NCOA6: variants seen among roughly 807,000 people sequenced by gnomAD.
The protein encoded by NCOA6 is nuclear receptor coactivator 6, also known as NRC RAP250.
Under a neutral mutation model 171.4 loss-of-function variants are expected in NCOA6, and 49 were observed. That is an observed-to-expected ratio of 0.29 (90% CI 0.23 to 0.36). The LOEUF (loss-of-function observed/expected upper bound fraction) is 0.36, where lower values mean the gene tolerates loss of function less well. Ranked by LOEUF, NCOA6 falls within the 10% of genes least tolerant of loss-of-function variation. The probability of loss-of-function intolerance (pLI) is 1.00; values close to 1 mark genes in which losing one functional copy is unlikely to be tolerated. For synonymous variants in NCOA6, 910 were observed against 927.5 expected (o/e 0.98, Z 0.34); for missense variants, 2,248 against 2,554.5 (o/e 0.88, Z 2.59).
At chr20:34,822,281 T>C (rs575403988) in intron 1 of NCOA6, among the ~76,000 whole-genome samples, 13 of 152,276 alleles carry the variant, frequency 8.5e-5, no homozygotes, top group Admixed American at 4.6e-4. Flanking sequence ...TCCAAACTCC[T>C]TAGCAAGGTC....
intron 14 of NCOA6, among the ~76,000 whole-genome samples, chr20:34,725,478 G>A (rs919625872): frequency 2.0e-5 from 3 of 152,210 alleles, no homozygotes; most frequent in Non-Finnish European, 4.4e-5. Flanking sequence ...GTGATCAGAG[G>A]AATGAGGACG....
intron 14 of NCOA6, among the ~76,000 whole-genome samples, chr20:34,726,511 C>T (rs1466432077): frequency 6.6e-6 from 1 of 151,980 alleles, no homozygotes; most frequent in Admixed American, 6.6e-5. Flanking sequence ...ATCAGCTGGG[C>T]GTGGTGGCTC....
intron 11 of NCOA6, among the ~76,000 whole-genome samples, chr20:34,737,209 A>T (rs947103083): frequency 1.9e-4 from 29 of 152,362 alleles, no homozygotes; most frequent in South Asian, 8.3e-4. Context: ...ATGGTCACAT[A>T]ATTTTGTACT....
chr20:34,758,989 A>G, intron 5 of NCOA6, 56 bp from the exon 6 acceptor site: 1 of 1,562,232 alleles, frequency 6.4e-7, no homozygotes, highest in Non-Finnish European at 8.7e-7. Context: ...TTTGTTTTTT[A>G]ATGAGTTATT....
intron 14 of NCOA6, among the ~76,000 whole-genome samples, chr20:34,721,238 C>CAAAAAAAAAAAAAAAA (rs10531679): frequency 9.1e-5 from 6 of 66,048 alleles, no homozygotes; most frequent in African/African-American, 3.8e-4. Flanking sequence ...TTCCTCTATA[C>CAAAAAAAAAAAAAAAA]AAAAAAAAAA....
intron 2 of NCOA6, among the ~76,000 whole-genome samples, chr20:34,791,733 A>G (rs990920436): frequency 2.6e-5 from 4 of 152,192 alleles, no homozygotes; most frequent in African/African-American, 9.7e-5. Flanking sequence ...CAACAAACTG[A>G]GATAAAAATC....
At position 34,764,009 on chromosome 20, in the gene NCOA6, AT is replaced by A. The variant is rs11471838; in HGVS notation, c.514+4454del. Among the ~76,000 whole-genome samples the A allele has an allele frequency of 8.0e-3, 853 of 107,228 alleles. 8 individuals carry two copies. Among genetic ancestry groups the A allele is most frequent in the African/African-American group, 0.027 (727 of 26,530 alleles). The allele number at this position is 107,228 out of a possible 152,430, so 70.3% of individuals were successfully genotyped here. On this transcript the variant is annotated intron_variant, in intron 5 of 14. Transcript: ENST00000359003. ...TGCCGTTTAAATATTCACCTTTGAC[AT>A]TTTTTTTTTTTTTTTTTTGCCCTAG...
chr20:34,769,338 G>A (rs746467897), intron 4 of NCOA6, among the ~76,000 whole-genome samples: 4 of 151,492 alleles, frequency 2.6e-5, no homozygotes, highest in African/African-American at 4.9e-5. Context: ...GACCACAGGC[G>A]CACATCACTA....
intron 1 of NCOA6, among the ~76,000 whole-genome samples, chr20:34,793,894 A>C (rs910574288): frequency 2.6e-5 from 4 of 152,246 alleles, no homozygotes; most frequent in Non-Finnish European, 5.9e-5. Flanking sequence ...TGGACACAGA[A>C]TATGATCAGA....
chr20:34,787,368 A>T (rs1053496944), intron 2 of NCOA6, among the ~76,000 whole-genome samples: 10 of 151,938 alleles, frequency 6.6e-5, no homozygotes, highest in African/African-American at 1.5e-4. Context: ...TACAAAAAAA[A>T]TTTAAAAATT....
chr20:34,822,510 C>T (rs1033712589), intron 1 of NCOA6, among the ~76,000 whole-genome samples: 1 of 152,198 alleles, frequency 6.6e-6, no homozygotes, highest in Admixed American at 6.5e-5. Context: ...ATTCTTTGAG[C>T]AGACACACCC....
In NCOA6 at chr20:34,772,310, T is replaced by C. The variant is rs60498333; in HGVS notation, c.392-3724A>G. On this transcript the variant is annotated intron_variant, in intron 4 of 14. Transcript: ENST00000359003. ...ACCTAGGCAACACAGTGAGACTTTG[T>C]CTCAAAAAAAAAAAAAAAGTGTCCT... Among the ~76,000 whole-genome samples the C allele has an allele frequency of 2.2e-3, 327 of 148,146 alleles. 4 individuals carry two copies. Among genetic ancestry groups the C allele is most frequent in the African/African-American group, 7.7e-3 (302 of 39,422 alleles).
rs942936047 is a variant in NCOA6 at position 34,741,107 on chromosome 20, C to A, written c.5149G>T (p.Ala1717Ser). The A allele has an allele frequency of 1.4e-5, 23 of 1,614,172 alleles. No homozygotes were observed. The highest frequency in any genetic ancestry group is 1.9e-5 in the Non-Finnish European group (22 of 1,180,038). Residue 1717 changes from alanine (A) to serine (S), a missense_variant, in exon 11 of 15, where the codon GCC (alanine) becomes TCC (serine). Ala to Ser is a moderately conservative substitution (Grantham distance 99, BLOSUM62 1). This residue lies in a region of NCOA6 where 884 missense variants were observed against 941.9 expected (regional missense o/e 0.94). Coordinates refer to ENST00000359003, the MANE Select transcript of NCOA6 (RefSeq NM_014071.5). ...KFSSAPVPPN[A>S]LSSSPAPNIQ... is the part of the protein sequence containing the mutation. ...TTTGGAGCAGGACTACTGGAGAGGGCATTAGGCGGTACAGGAGCAGAAGAA... is the reference window on the plus strand; with the variant it reads ...TTTGGAGCAGGACTACTGGAGAGGGAATTAGGCGGTACAGGAGCAGAAGAA...
intron 1 of NCOA6, among the ~76,000 whole-genome samples, chr20:34,823,287 G>A (rs2079059712): frequency 6.6e-6 from 1 of 152,140 alleles, no homozygotes; most frequent in African/African-American, 2.4e-5. Context: ...GGAGGCTCAG[G>A]TGGGCAGATC....
intron 14 of NCOA6, among the ~76,000 whole-genome samples, chr20:34,722,894 C>G (rs1738241997): frequency 6.6e-6 from 1 of 152,052 alleles, no homozygotes; most frequent in Admixed American, 6.6e-5. Flanking sequence ...GTAATGCCAG[C>G]AACCTGGGAT....
intron 9 of NCOA6, among the ~76,000 whole-genome samples, chr20:34,748,232 T>C (rs950680484): frequency 2.6e-5 from 4 of 152,186 alleles, no homozygotes; most frequent in Non-Finnish European, 5.9e-5. Flanking sequence ...AGGTTGATGC[T>C]AGTAAAGAAT....
chr20:34,757,684 T>G lies in NCOA6; in HGVS notation c.1064A>C (p.Gln355Pro). ...TAAGGATGGTCTTGCCTGGAGTTGC[T>G]GTTGCATTGGGCCGGGCAAGGGAGC... is the stretch of plus-strand genomic sequence containing the variant. ...KKAPLPGPMQ[Q>P]QLQARPSLAT... The change falls in exon 7 of 15, where the codon CAG becomes CCG. Residue 355 changes from glutamine (Q) to proline (P), a missense_variant. By Grantham distance (76) the Gln-to-Pro change is moderately conservative. Coordinates refer to ENST00000359003, the MANE Select transcript of NCOA6 (RefSeq NM_014071.5). 1 of 1,614,164 alleles carries G rather than the reference T, an allele frequency of 6.2e-7. No homozygotes were observed. The highest frequency in any genetic ancestry group is 8.5e-7 in the Non-Finnish European group (1 of 1,179,994).
At chr20:34,788,711 C>T (rs1232934794) in intron 2 of NCOA6, among the ~76,000 whole-genome samples, 3 of 152,014 alleles carry the variant, frequency 2.0e-5, no homozygotes, top group East Asian at 3.9e-4. Flanking sequence ...TTTGAGAGGC[C>T]GAAGCAGGCG....
intron 1 of NCOA6, among the ~76,000 whole-genome samples, chr20:34,818,392 C>T (rs1362810165): frequency 6.6e-6 from 1 of 152,074 alleles, no homozygotes; most frequent in African/African-American, 2.4e-5. Context: ...AAAAACCCTA[C>T]CCAAAGAACA....
Sources: gnomAD v4.1 joint callset for allele counts (sites outside exome capture counted in the v4.1 genomes callset) on GRCh38, gnomAD v4.1.1 for gene constraint, gnomAD v4.1.1 regional missense constraint, MANE v1.5 for transcripts, NCBI Gene and HGNC (gene_info 2026-07-23, HGNC 2026-07-21) for gene names.